Variants in AFF4 observed in about 807,000 individuals in gnomAD.
AFF4 encodes the protein AF4/FMR2 family member 4.
A neutral mutation model predicts 124.8 loss-of-function variants in AFF4; 13 were observed. The observed-to-expected ratio is 0.10, with a 90% CI of 0.07 to 0.17. AFF4 has a LOEUF of 0.17. Ranked by LOEUF, AFF4 falls within the 10% of genes least tolerant of loss-of-function variation. AFF4 has a pLI of 1.00. For missense variants in AFF4, 1,092 were observed against 1,403.8 expected (o/e 0.78, Z 3.55); for synonymous variants, 477 against 496.1 (o/e 0.96, Z 0.51).
chr5:132,928,407 G>A (rs757586937), intron 4 of AFF4, among the ~76,000 whole-genome samples: 14 of 152,084 alleles, frequency 9.2e-5, no homozygotes, highest in African/African-American at 2.9e-4. Context: ...CAGCTTGTCC[G>A]ACCTCAGACT....
intron 5 of AFF4, among the ~76,000 whole-genome samples, chr5:132,919,988 G>GA (rs200480614): frequency 2.6e-4 from 37 of 143,592 alleles, no homozygotes; most frequent in South Asian, 4.4e-4. Context: ...TTATTTAAAA[G>GA]AAAAAAAAAA....
chr5:132,901,452 GTA>G (rs1467198783), intron 7 of AFF4, among the ~76,000 whole-genome samples: 1 of 152,222 alleles, frequency 6.6e-6, no homozygotes, highest in Admixed American at 6.5e-5. Flanking sequence ...GGTCATCACA[GTA>G]TAGTCTGTGA....
chr5:132,931,238 G>A (rs1390601164), intron 4 of AFF4, among the ~76,000 whole-genome samples: 1 of 151,632 alleles, frequency 6.6e-6, no homozygotes, highest in East Asian at 1.9e-4. Context: ...AGACCAGCCC[G>A]GACAAAGTGG....
chr5:132,910,658 A>G (rs1404418038), intron 5 of AFF4, among the ~76,000 whole-genome samples: 1 of 152,230 alleles, frequency 6.6e-6, no homozygotes, highest in African/African-American at 2.4e-5. Context: ...CCTTAGCAAC[A>G]GTCAGTCAGT....
intron 5 of AFF4, among the ~76,000 whole-genome samples, chr5:132,919,727 G>A (rs1460686995): frequency 6.6e-6 from 1 of 152,122 alleles, no homozygotes; most frequent in Non-Finnish European, 1.5e-5. Flanking sequence ...GCATGCACTT[G>A]TAATTCCAGC....
chr5:132,895,024 A>T (rs1435841130), intron 11 of AFF4, among the ~76,000 whole-genome samples: 3 of 152,336 alleles, frequency 2.0e-5, no homozygotes, highest in African/African-American at 4.8e-5. Context: ...ACCATTTTTT[A>T]AAATTCCATA....
intron 12 of AFF4, 98 bp downstream of exon 12, chr5:132,892,932 T>C: frequency 8.7e-7 from 1 of 1,144,264 alleles, no homozygotes; most frequent in Non-Finnish European, 1.3e-6. Context: ...AACACTTGCT[T>C]ACTAAAAGGA....
Position 132,934,821 on chromosome 5 carries a change from C to T in AFF4, c.244G>A (p.Val82Ile). ...GATTTTTCATCTGCTGATGGTGGTA[C>T]TGTAGGCTTGGGAATTGCAACAAGC... ...PKLVAIPKPTVPPSADEKSNP... is the reference protein window; with the variant it reads ...PKLVAIPKPTIPPSADEKSNP... The change falls in exon 3 of 21, where the codon GTA becomes ATA. Residue 82 changes from valine (V) to isoleucine (I), a missense_variant. Coordinates refer to ENST00000265343, the MANE Select transcript of AFF4 (RefSeq NM_014423.4). 1.9e-6 allele frequency: 3 copies of T among 1,614,116 alleles called. No homozygotes were observed. Among genetic ancestry groups the T allele is most frequent in the African/African-American group, 1.3e-5 (1 of 75,022 alleles).
chr5:132,953,108 T>C (rs1761881859), intron 1 of AFF4, among the ~76,000 whole-genome samples: 1 of 151,730 alleles, frequency 6.6e-6, no homozygotes, highest in Admixed American at 6.6e-5. Flanking sequence ...AGAGGACTGC[T>C]TGAGCTCAGG....
At chr5:132,891,223 G>A (rs1760247433) in intron 13 of AFF4, among the ~76,000 whole-genome samples, 2 of 152,052 alleles carry the variant, frequency 1.3e-5, no homozygotes, top group African/African-American at 4.8e-5. Context: ...AAAGAAAGAG[G>A]TTGTTCAGCT....
At chr5:132,934,963 T>C in intron 2 of AFF4, 22 bp from the exon 3 acceptor site, 1 of 1,460,406 alleles carries the variant, frequency 6.8e-7, no homozygotes, top group Non-Finnish European at 9.1e-7. Flanking sequence ...TAAAATAAAA[T>C]AAAATTATAA....
intron 13 of AFF4, among the ~76,000 whole-genome samples, chr5:132,890,301 A>G (rs1337512383): frequency 6.6e-6 from 1 of 151,760 alleles, no homozygotes; most frequent in Non-Finnish European, 1.5e-5. Flanking sequence ...AAAGGGTCTC[A>G]CTCTGTCGCC....
At chr5:132,959,313 G>A (rs1424635145) in intron 1 of AFF4, among the ~76,000 whole-genome samples, 1 of 151,902 alleles carries the variant, frequency 6.6e-6, no homozygotes, top group Admixed American at 6.6e-5. Flanking sequence ...GTAAAGACGG[G>A]GTTTCACCAT....
At chr5:132,893,746 G>A (rs548059554) in intron 11 of AFF4, among the ~76,000 whole-genome samples, 68 of 152,182 alleles carry the variant, frequency 4.5e-4, no homozygotes, top group African/African-American at 1.6e-3. Context: ...CCAAAGTGCT[G>A]GGATTACAGG....
At chr5:132,932,609 A>T (rs1167896426) in intron 3 of AFF4, among the ~76,000 whole-genome samples, 1 of 152,228 alleles carries the variant, frequency 6.6e-6, no homozygotes, top group Admixed American at 6.5e-5. Flanking sequence ...TTTATGCCAG[A>T]GGCTGCAAAT....
At chr5:132,922,909 G>A (rs1761083326) in intron 5 of AFF4, among the ~76,000 whole-genome samples, 1 of 151,876 alleles carries the variant, frequency 6.6e-6, no homozygotes, top group Non-Finnish European at 1.5e-5. Context: ...GGGCACAGTG[G>A]CTCACATCTG....
intron 20 of AFF4, among the ~76,000 whole-genome samples, chr5:132,881,928 A>C (rs564306528): frequency 2.2e-4 from 33 of 151,814 alleles, no homozygotes; most frequent in African/African-American, 6.0e-4. Context: ...GGCTTCCCGA[A>C]GTGCTGAGAT....
At chr5:132,900,977 T>C (rs2150076015) in intron 7 of AFF4, 2 of 985,430 alleles carry the variant, frequency 2.0e-6, no homozygotes, top group South Asian at 9.4e-5. Flanking sequence ...AACATTTCTA[T>C]ATCTGACCCT....
At position 132,896,356 on chromosome 5, in the gene AFF4, T is replaced by C. The variant is rs766764087; in HGVS notation, c.2274A>G (p.Glu758=). The C allele has an allele frequency of 8.6e-5, 137 of 1,598,172 alleles. No homozygotes were observed. The highest frequency in any genetic ancestry group is 1.1e-4 in the Non-Finnish European group (127 of 1,176,130). The change falls in exon 11 of 21, where the codon GAA becomes GAG. Residue 758 remains glutamate (E), a synonymous_variant. Coordinates refer to ENST00000265343, the MANE Select transcript of AFF4 (RefSeq NM_014423.4). ...HTREAQKQAS[E]KVSNKGKRKH... ...TCCTCTTGCCTTTGTTGGAAACTTTTTCTGAGGCTTGTTTCTGAGCCTCTC... is the reference window on the plus strand; with the variant it reads ...TCCTCTTGCCTTTGTTGGAAACTTTCTCTGAGGCTTGTTTCTGAGCCTCTC...
Sources: gnomAD v4.1 joint callset for allele counts (sites outside exome capture counted in the v4.1 genomes callset) on GRCh38, gnomAD v4.1.1 for gene constraint, MANE v1.5 for transcripts, NCBI Gene and HGNC (gene_info 2026-07-23, HGNC 2026-07-21) for gene names.